NFAT5: variants seen among roughly 807,000 people sequenced by gnomAD.
NFAT5 encodes the protein nuclear factor of activated T-cells 5.
In NFAT5, 31 loss-of-function variants were observed where a neutral mutation model predicts 166.5. The ratio of observed to expected loss-of-function variants is 0.19; its 90% CI spans 0.14 to 0.25. The LOEUF (loss-of-function observed/expected upper bound fraction) is 0.25, where lower values mean the gene tolerates loss of function less well. Ranked by LOEUF, NFAT5 falls within the 10% of genes least tolerant of loss-of-function variation. The probability of loss-of-function intolerance (pLI) is 1.00; values close to 1 mark genes in which losing one functional copy is unlikely to be tolerated. For synonymous variants in NFAT5, 612 were observed against 639.7 expected (o/e 0.96, Z 0.65); for missense variants, 1,449 against 1,821.8 (o/e 0.80, Z 3.72).
At chr16:69,570,839 C>CT (rs1366439334) in intron 2 of NFAT5, among the ~76,000 whole-genome samples, 1 of 152,038 alleles carries the variant, frequency 6.6e-6, no homozygotes. Flanking sequence ...ATAATTTAAT[C>CT]TTTTTTGCTT....
At chr16:69,657,496 C>T (rs1433655731) in intron 6 of NFAT5, among the ~76,000 whole-genome samples, 1 of 151,218 alleles carries the variant, frequency 6.6e-6, no homozygotes, top group Non-Finnish European at 1.5e-5. Context: ...CGCAGTGGCT[C>T]ACACCTGTAA....
At chr16:69,688,121 G>A (rs893240835) in intron 11 of NFAT5, among the ~76,000 whole-genome samples, 7 of 148,378 alleles carry the variant, frequency 4.7e-5, no homozygotes, top group African/African-American at 1.5e-4. Context: ...GCGTGAACCC[G>A]GGAAGCGGAG....
At chr16:69,571,314 C>CAACAAACA (rs141981673) in intron 2 of NFAT5, among the ~76,000 whole-genome samples, 2 of 151,394 alleles carry the variant, frequency 1.3e-5, no homozygotes, top group Admixed American at 6.6e-5. Context: ...AAAAAAACAA[C>CAACAAACA]AACAAACAAA....
chr16:69,692,487 C>G lies in NFAT5; in HGVS notation c.2662C>G (p.Pro888Ala). 6.2e-7 allele frequency: 1 copy of G among 1,614,158 alleles called. No homozygotes were observed. ...LLPGRAESVH[P>A]QSENTLSNQQ... ...ACCTGGAAGAGCTGAAAGTGTTCAT[C>G]CACAGTCTGAAAACACGTTATCTAA... The change falls in exon 13 of 15, where the codon CCA becomes GCA. Residue 888 changes from proline to alanine, a missense_variant. Coordinates refer to ENST00000349945, the MANE Select transcript of NFAT5 (RefSeq NM_138713.4).
At chr16:69,615,709 CAAACTTGATTTCCTTTCATCTTATTGAG>C (rs954235341) in intron 2 of NFAT5, among the ~76,000 whole-genome samples, 7 of 152,140 alleles carry the variant, frequency 4.6e-5, no homozygotes, top group Admixed American at 4.6e-4. Context: ...CACTGTTTGA[CAAACTTGATTTCCTTTCATCTTATTGAG>C]AAACTTGATT....
At chr16:69,620,452 G>A (rs1043136138) in intron 2 of NFAT5, among the ~76,000 whole-genome samples, 3 of 152,040 alleles carry the variant, frequency 2.0e-5, no homozygotes, top group South Asian at 2.1e-4. Context: ...AAAATAATCA[G>A]GTCAGGCATG....
At chr16:69,639,595 CATATT>C (rs2035116016) in intron 3 of NFAT5, among the ~76,000 whole-genome samples, 1 of 152,032 alleles carries the variant, frequency 6.6e-6, no homozygotes, top group African/African-American at 2.4e-5. Context: ...TAGGATCAAA[CATATT>C]ATACAAAGTA....
At chr16:69,665,044 AAGT>A (rs2036309602) in intron 7 of NFAT5, among the ~76,000 whole-genome samples, 3 of 152,216 alleles carry the variant, frequency 2.0e-5, no homozygotes, top group African/African-American at 7.2e-5. Context: ...ATAGATAAAT[AAGT>A]AAATAACTTA....
intron 3 of NFAT5, among the ~76,000 whole-genome samples, chr16:69,633,491 A>G (rs1174478230): frequency 6.6e-6 from 1 of 152,194 alleles, no homozygotes; most frequent in Non-Finnish European, 1.5e-5. Context: ...TTTCCTCTGG[A>G]ATTCAGCCAT....
At chr16:69,613,563 CTT>C (rs1378548666) in intron 2 of NFAT5, among the ~76,000 whole-genome samples, 3 of 152,140 alleles carry the variant, frequency 2.0e-5, no homozygotes, top group Admixed American at 1.3e-4. Flanking sequence ...TGAAAATACT[CTT>C]TTTGTTCAGG....
At chr16:69,617,856 T>C (rs2034024442) in intron 2 of NFAT5, among the ~76,000 whole-genome samples, 1 of 152,090 alleles carries the variant, frequency 6.6e-6, no homozygotes, top group East Asian at 1.9e-4. Context: ...TGTTATACTA[T>C]ATTAAATTGT....
At chr16:69,581,636 G>A (rs1470948032) in intron 2 of NFAT5, among the ~76,000 whole-genome samples, 9 of 152,100 alleles carry the variant, frequency 5.9e-5, no homozygotes, top group African/African-American at 2.2e-4. Context: ...AGCCATCCTA[G>A]TGGGTATGAA....
At chr16:69,587,563 A>G (rs1318180204) in intron 2 of NFAT5, among the ~76,000 whole-genome samples, 1 of 144,214 alleles carries the variant, frequency 6.9e-6, no homozygotes, top group African/African-American at 2.6e-5. Flanking sequence ...TAATTTTTAT[A>G]TTTTTAGTAG....
chr16:69,692,651 A>G lies in NFAT5; in HGVS notation c.2826A>G (p.Gly942=), dbSNP rs745397287. Reference sequence around the variant, plus strand: ...TCCCTTCAACTGCTTCAGCAAATGGAAACCTTCAGCAATCGCCAGTTTACC... The same window carrying G: ...TCCCTTCAACTGCTTCAGCAAATGGGAACCTTCAGCAATCGCCAGTTTACC... ...ELFPSTASAN[G]NLQQSPVYQQ... The change falls in exon 13 of 15, where the codon GGA becomes GGG. Residue 942 remains glycine (G), a synonymous_variant. Transcript: ENST00000349945. 82 of 1,614,218 alleles carry G rather than the reference A, an allele frequency of 5.1e-5. 3 individuals are homozygous for G. The highest frequency in any genetic ancestry group is 1.6e-4 in the East Asian group (7 of 44,892).
chr16:69,660,064 A>AG (rs1451917314), intron 7 of NFAT5, among the ~76,000 whole-genome samples, 165 bp downstream of exon 7: 1 of 152,234 alleles, frequency 6.6e-6, no homozygotes, highest in East Asian at 1.9e-4. Flanking sequence ...ACCAAACTAG[A>AG]GGTGAATACT....
chr16:69,589,273 C>G (rs1026952392), intron 2 of NFAT5, among the ~76,000 whole-genome samples: 1 of 152,090 alleles, frequency 6.6e-6, no homozygotes. Flanking sequence ...GGATTACAGG[C>G]GTGAGCCACC....
rs747878735 is a variant in NFAT5, at chr16:69,566,401, G to T, written c.73+27G>T. On this transcript the variant is annotated intron_variant, in intron 1 of 14. Transcript: ENST00000349945. This position sits in a 1 kb window ranked among gnomAD's most constrained non-coding sequence, Gnocchi z 5.7. ...TGAGTCAGGCTGTGGGGGGTGGGGC[G>T]TGGGGGCGGGGAGACAGGGAGACAG... The T allele has an allele frequency of 1.4e-6, 2 of 1,433,658 alleles. No homozygotes were observed. The highest frequency in any genetic ancestry group is 2.4e-5 in the South Asian group (2 of 82,848). 88.8% of individuals were successfully genotyped at this position (1,433,658 alleles called of 1,614,324 possible).
At chr16:69,688,202 C>CAAAAAAAAAAAAAAAAA (rs1188158260) in intron 11 of NFAT5, among the ~76,000 whole-genome samples, 7 of 49,504 alleles carry the variant, frequency 1.4e-4, no homozygotes, top group Admixed American at 2.2e-4. Context: ...GACTCCGTCT[C>CAAAAAAAAAAAAAAAAA]AAAAAAAAAA....
chr16:69,647,259 T>C lies in NFAT5; in HGVS notation c.485T>C (p.Ile162Thr). 6.2e-7 allele frequency: 1 copy of C among 1,614,130 alleles called. No individual in the cohort carries two copies. The highest frequency in any genetic ancestry group is 8.5e-7 in the Non-Finnish European group (1 of 1,180,030). Residue 162 changes from isoleucine to threonine, a missense_variant, in exon 4 of 15, where the codon ATC (isoleucine) becomes ACC (threonine). Transcript: ENST00000349945. This position sits in a 1 kb window ranked among gnomAD's most constrained non-coding sequence, Gnocchi z 4.8. ...CCGAAGAGGCACACAGTCTTGTACA[T>C]CTCACCACCACCTGAGGACTTGCTG... The part of the protein sequence containing the change: ...STPKRHTVLY[I>T]SPPPEDLLDN...
Sources: gnomAD v4.1 joint callset for allele counts (sites outside exome capture counted in the v4.1 genomes callset) on GRCh38, gnomAD v4.1.1 for gene constraint, Gnocchi (gnomAD v3.1) non-coding constraint, MANE v1.5 for transcripts, NCBI Gene and HGNC (gene_info 2026-07-23, HGNC 2026-07-21) for gene names.